TYR: variants seen among roughly 807,000 people sequenced by gnomAD.
TYR encodes the protein LB24-AB.
Under a neutral mutation model 51.5 loss-of-function variants are expected in TYR, and 58 were observed. The observed-to-expected ratio is 1.13, with a 90% CI of 0.91 to 1.40. The LOEUF is 1.40. Ranked by LOEUF, TYR falls within the 40% of genes most tolerant of loss-of-function variation. TYR has a pLI of 0.00. For missense variants in TYR, 732 were observed against 647.4 expected (o/e 1.13, Z -1.42); for synonymous variants, 263 against 235.2 (o/e 1.12, Z -1.08).
chr11:89,293,763 G>A (rs1590908410), intron 4 of TYR: 1 of 183,400 alleles, frequency 5.5e-6, no homozygotes, highest in Admixed American at 6.4e-5. Context: ...ATCTGGACAA[G>A]AATGCCAACT....
rs1354668770 is a variant in TYR, at chr11:89,221,808, A to G, written c.1037-6015A>G. Among the ~76,000 whole-genome samples the G allele has an allele frequency of 5.9e-5, 9 of 152,232 alleles. 1 individual carries two copies. The highest frequency in any genetic ancestry group is 2.9e-5 in the Non-Finnish European group (2 of 68,044). On this transcript the variant is annotated intron_variant, in intron 2 of 4. Transcript: ENST00000263321. ...TCTCTGAAACACTATGAAATGTTAA[A>G]ATAGGTTAAAAATGCACTTAAATGA...
intron 3 of TYR, among the ~76,000 whole-genome samples, chr11:89,276,695 A>G (rs1172385311): frequency 6.6e-6 from 1 of 151,782 alleles, no homozygotes; most frequent in Non-Finnish European, 1.5e-5. Context: ...TTGGATAAAC[A>G]GCTTACATTT....
chr11:89,274,043 A>C (rs1253405486), intron 3 of TYR, among the ~76,000 whole-genome samples: 1 of 151,878 alleles, frequency 6.6e-6, no homozygotes, highest in African/African-American at 2.4e-5. Flanking sequence ...TAAAAATTTG[A>C]ATTTTACAGA....
At chr11:89,258,674 G>A (rs2135305399) in intron 3 of TYR, among the ~76,000 whole-genome samples, 1 of 152,186 alleles carries the variant, frequency 6.6e-6, no homozygotes, top group Non-Finnish European at 1.5e-5. Context: ...GAAAAACAAA[G>A]TATTTTTATT....
intron 3 of TYR, among the ~76,000 whole-genome samples, chr11:89,256,502 T>C (rs1944393566): frequency 1.3e-5 from 2 of 151,840 alleles, no homozygotes; most frequent in African/African-American, 2.4e-5. Context: ...TGTGTGTTCA[T>C]GTTTCATATT....
At chr11:89,228,085 T>C in intron 3 of TYR, 115 bp downstream of exon 3, 1 of 1,333,414 alleles carries the variant, frequency 7.5e-7, no homozygotes, top group South Asian at 1.2e-5. Flanking sequence ...GTCTATTGTC[T>C]GTGATCAGGT....
intron 2 of TYR, among the ~76,000 whole-genome samples, chr11:89,204,530 G>T (rs1416155738): frequency 1.3e-5 from 2 of 151,760 alleles, no homozygotes; most frequent in Admixed American, 6.6e-5. Flanking sequence ...GAGTAGCTCA[G>T]ATTGCAGGTG....
chr11:89,285,045 A>T (rs954657481), intron 4 of TYR, 91 bp downstream of exon 4: 1 of 1,073,014 alleles, frequency 9.3e-7, no homozygotes, highest in East Asian at 2.4e-5. Context: ...CGACAATGTT[A>T]TTCCTGAACA....
chr11:89,267,364 A>T (rs961568718), intron 3 of TYR, among the ~76,000 whole-genome samples: 1 of 151,992 alleles, frequency 6.6e-6, no homozygotes, highest in African/African-American at 2.4e-5. Flanking sequence ...AAGATATAAA[A>T]ATCATATAAA....
intron 2 of TYR, among the ~76,000 whole-genome samples, chr11:89,193,474 C>A (rs903680790): frequency 2.0e-5 from 3 of 151,878 alleles, no homozygotes; most frequent in African/African-American, 7.3e-5. Flanking sequence ...TTATTTTTTC[C>A]CATAATTTAT....
At chr11:89,260,242 A>G (rs1944440897) in intron 3 of TYR, among the ~76,000 whole-genome samples, 1 of 151,328 alleles carries the variant, frequency 6.6e-6, no homozygotes, top group African/African-American at 2.4e-5. Flanking sequence ...ACTTTGAAGA[A>G]TAAAATGCAA....
chr11:89,290,452 T>G (rs1310266624), intron 4 of TYR, among the ~76,000 whole-genome samples: 1 of 152,066 alleles, frequency 6.6e-6, no homozygotes, highest in African/African-American at 2.4e-5. Context: ...AGAAAATATT[T>G]ATTATGTAGC....
At chr11:89,209,463 AACTGGGTGGAGCCC>A (rs1268795255) in intron 2 of TYR, among the ~76,000 whole-genome samples, 2 of 152,214 alleles carry the variant, frequency 1.3e-5, no homozygotes, top group Non-Finnish European at 2.9e-5. Context: ...GGGAAACTAG[AACTGGGTGGAGCCC>A]ACTGCAGCTC....
chr11:89,262,846 C>CTAAAAAAAAAAA (rs1186728580), intron 3 of TYR, among the ~76,000 whole-genome samples: 1 of 34,216 alleles, frequency 2.9e-5, no homozygotes, highest in Non-Finnish European at 4.5e-5. Context: ...AGCTACTCAT[C>CTAAAAAAAAAAA]CAAAAAAAAA....
At chr11:89,229,362 G>A (rs1488864051) in intron 3 of TYR, among the ~76,000 whole-genome samples, 1 of 151,978 alleles carries the variant, frequency 6.6e-6, no homozygotes, top group African/African-American at 2.4e-5. Flanking sequence ...GAAAAGCATA[G>A]TGCTGGAATA....
At chr11:89,270,036 C>T (rs1795050007) in intron 3 of TYR, among the ~76,000 whole-genome samples, 1 of 151,928 alleles carries the variant, frequency 6.6e-6, no homozygotes, top group South Asian at 2.1e-4. Flanking sequence ...TATGTCACTG[C>T]ATGGCTTAAA....
rs1297796867 is a variant in TYR at position 89,278,953 on chromosome 11, A to G, written c.1185-5820A>G. The stretch of plus-strand genomic sequence containing the variant: ...GCTCAGGTATTTTGTAAAATGTCCC[A>G]CAGTTGATATTTGTCTGATTTTTTT... On this transcript the variant is annotated intron_variant, in intron 3 of 4. Coordinates refer to ENST00000263321, the MANE Select transcript of TYR (RefSeq NM_000372.5). Among the ~76,000 whole-genome samples, 7 of 151,780 alleles carry G rather than the reference A, an allele frequency of 4.6e-5. No individual in the cohort carries two copies. The East Asian group carries it at 1.4e-3, about 30-fold the overall frequency.
rs201339644 is a variant in TYR, at chr11:89,189,405, C to A, written c.820-1797C>A. Among the ~76,000 whole-genome samples, 45 of 151,626 alleles carry A rather than the reference C, an allele frequency of 3.0e-4. No homozygotes were observed. In the East Asian group the frequency reaches 6.4e-3, roughly 22 times the overall value. ...TCTAGCTAAAGGATCAGAGAAATTT[C>A]TTTTCTTAAAAAACAATCAACCACG... is the stretch of plus-strand genomic sequence containing the variant. On this transcript the variant is annotated intron_variant, in intron 1 of 4. Coordinates refer to ENST00000263321, the MANE Select transcript of TYR (RefSeq NM_000372.5).
rs372534292 is a variant in TYR, at chr11:89,191,377, T to C, written c.995T>C (p.Met332Thr). The change falls in exon 2 of 5, where the codon ATG becomes ACG. Residue 332 changes from methionine to threonine, a missense_variant. Coordinates refer to ENST00000263321, the MANE Select transcript of TYR (RefSeq NM_000372.5). ...LSLTQYESGS[M>T]DKAANFSFRN... ...TTGACCCAATATGAATCTGGTTCCA[T>C]GGATAAAGCTGCCAATTTCAGCTTT... is the stretch of plus-strand genomic sequence containing the variant. 1.2e-6 allele frequency: 2 copies of C among 1,613,624 alleles called. No individual in the cohort carries two copies. The highest frequency in any genetic ancestry group is 1.7e-6 in the Non-Finnish European group (2 of 1,179,758).
Sources: gnomAD v4.1 joint callset for allele counts (sites outside exome capture counted in the v4.1 genomes callset) on GRCh38, gnomAD v4.1.1 for gene constraint, MANE v1.5 for transcripts, NCBI Gene and HGNC (gene_info 2026-07-23, HGNC 2026-07-21) for gene names.